FOXN2: variants seen among roughly 807,000 people sequenced by gnomAD.
FOXN2 encodes the protein forkhead box N2, also known as forkhead box protein N2.
FOXN2 carries 19 observed loss-of-function variants against 41.2 expected under a neutral mutation model. The ratio of observed to expected loss-of-function variants is 0.46; its 90% CI spans 0.32 to 0.68. FOXN2 has a LOEUF of 0.68. FOXN2 is among the 30% of genes least tolerant of loss of function. The pLI is 0.03. For synonymous variants in FOXN2, 195 were observed against 176.8 expected, an observed-to-expected ratio of 1.10 and a Z score of -0.82; for missense variants, 587 against 509.4, an observed-to-expected ratio of 1.15 and a Z score of -1.47.
intron 3 of FOXN2, among the ~76,000 whole-genome samples, chr2:48,351,027 T>C (rs1671413419): frequency 6.8e-6 from 1 of 146,298 alleles, no homozygotes; most frequent in Non-Finnish European, 1.5e-5. Flanking sequence ...GTGCAGTGGC[T>C]CAATCTCGGC....
upstream of FOXN2, among the ~76,000 whole-genome samples, chr2:48,314,031 T>C (rs1287689701): frequency 6.6e-6 from 1 of 152,256 alleles, no homozygotes; most frequent in African/African-American, 2.4e-5. Flanking sequence ...TTTTTTTCCC[T>C]ACTGCAAACA....
At chr2:48,340,745 G>A (rs1670705439) in intron 2 of FOXN2, 1 of 152,130 alleles carries the variant, frequency 6.6e-6, no homozygotes, top group South Asian at 2.1e-4. Context: ...AATTGCAGTG[G>A]GGTATTGGGA....
intron 1 of FOXN2, among the ~76,000 whole-genome samples, chr2:48,317,411 T>C (rs1355038633): frequency 1.3e-5 from 2 of 151,282 alleles, no homozygotes; most frequent in Non-Finnish European, 2.9e-5. Context: ...ATCATGCCAC[T>C]GCACTCCAGC....
intron 3 of FOXN2, among the ~76,000 whole-genome samples, chr2:48,347,596 T>A (rs1671195187): frequency 6.6e-6 from 1 of 151,908 alleles, no homozygotes; most frequent in Non-Finnish European, 1.5e-5. Flanking sequence ...ATTGCCTGAT[T>A]ATTTATGTAT....
At chr2:48,349,265 C>G (rs1164210959) in intron 3 of FOXN2, among the ~76,000 whole-genome samples, 1 of 152,080 alleles carries the variant, frequency 6.6e-6, no homozygotes, top group African/African-American at 2.4e-5. Context: ...ACAGGTGGAT[C>G]GCTTGAGCCC....
At chr2:48,357,891 A>G (rs929199912) in intron 3 of FOXN2, among the ~76,000 whole-genome samples, 8 of 151,356 alleles carry the variant, frequency 5.3e-5, no homozygotes, top group African/African-American at 1.9e-4. Flanking sequence ...AGAAAATGTC[A>G]AATACTTTTT....
chr2:48,345,103 T>A (rs1671013164), intron 2 of FOXN2, among the ~76,000 whole-genome samples: 1 of 152,168 alleles, frequency 6.6e-6, no homozygotes, highest in Non-Finnish European at 1.5e-5. Context: ...TTTTTCGCTC[T>A]CCTTGAAAGT....
rs769894989 is a variant in FOXN2 at position 48,350,499 on chromosome 2, T to A, written c.537+3748T>A. Among the ~76,000 whole-genome samples the A allele has an allele frequency of 2.7e-4, 41 of 152,320 alleles. 1 individual carries two copies. The highest frequency in any genetic ancestry group is 6.2e-4 in the South Asian group (3 of 4,828). On this transcript the variant is annotated intron_variant, in intron 3 of 6. Coordinates refer to ENST00000340553, the MANE Select transcript of FOXN2 (RefSeq NM_002158.4). Reference sequence around the variant, plus strand: ...CCTGGGACTAGAGTGGGCAAAGTATTTTGCCTCTTCCTCAGTGGCAGACAG... The same window carrying A: ...CCTGGGACTAGAGTGGGCAAAGTATATTGCCTCTTCCTCAGTGGCAGACAG...
chr2:48,348,739 A>G (rs1671268801), intron 3 of FOXN2, among the ~76,000 whole-genome samples: 2 of 152,248 alleles, frequency 1.3e-5, no homozygotes, highest in African/African-American at 4.8e-5. Flanking sequence ...AGACTCCTAC[A>G]GAGATGGACT....
At chr2:48,336,524 T>G (rs1017562890) in intron 2 of FOXN2, among the ~76,000 whole-genome samples, 3 of 150,842 alleles carry the variant, frequency 2.0e-5, no homozygotes, top group Non-Finnish European at 3.0e-5. Flanking sequence ...ATATCAAAAT[T>G]TATAAGGTGA....
At chr2:48,355,055 G>C (rs1004071339) in intron 3 of FOXN2, among the ~76,000 whole-genome samples, 5 of 152,048 alleles carry the variant, frequency 3.3e-5, no homozygotes, top group Non-Finnish European at 7.4e-5. Flanking sequence ...ATCATATTCT[G>C]ATTTCTCCCC....
At position 48,362,711 on chromosome 2, in the gene FOXN2, T is replaced by C; in HGVS notation, c.703+4T>C. The C allele has an allele frequency of 6.2e-7, 1 of 1,610,560 alleles. No homozygotes were observed. Among genetic ancestry groups the C allele is most frequent in the Non-Finnish European group, 8.5e-7 (1 of 1,176,790 alleles). On this transcript the variant is annotated splice_donor_region_variant and intron_variant, in intron 5 of 6. Coordinates refer to ENST00000340553, the MANE Select transcript of FOXN2 (RefSeq NM_002158.4). ...AACCAGGTGCGAAACCTCAAAGGTATGTGTGAATATCAGTACAGTCATGCA... is the reference window on the plus strand; with the variant it reads ...AACCAGGTGCGAAACCTCAAAGGTACGTGTGAATATCAGTACAGTCATGCA...
Position 48,345,663 on chromosome 2 carries a change from T to A in FOXN2, c.-14-538T>A, listed in dbSNP as rs543010827. On this transcript the variant is annotated intron_variant, in intron 2 of 6. Coordinates refer to ENST00000340553, the MANE Select transcript of FOXN2 (RefSeq NM_002158.4). ...AATAATGAAATAAAAATGTTATCTC[T>A]TTTTAGTATGACGTGCTGTAAAAAT... is the stretch of plus-strand genomic sequence containing the variant. 7.9e-5 allele frequency among the ~76,000 whole-genome samples: 12 copies of A among 152,306 alleles called. No individual in the cohort carries two copies. The East Asian group carries it at 2.3e-3, about 29-fold the overall frequency.
intron 5 of FOXN2, among the ~76,000 whole-genome samples, chr2:48,364,172 CATTT>C (rs1027477225): frequency 6.6e-6 from 1 of 152,096 alleles, no homozygotes; most frequent in Non-Finnish European, 1.5e-5. Flanking sequence ...GCAATAAAAA[CATTT>C]ATTAAAGAGA....
rs1456273494 is a variant in FOXN2, at chr2:48,314,722, G to C, written c.-249G>C. The stretch of plus-strand genomic sequence containing the variant: ...GCCTGCTGGTTGCCGCGTCTTCCCG[G>C]AGGCGACTGCTGGAAGCTGCAGGGA... On this transcript the variant is annotated 5_prime_UTR_variant, in exon 1 of 7. Transcript: ENST00000340553. 2.0e-5 allele frequency: 3 copies of C among 152,858 alleles called. No homozygotes were observed. The East Asian group carries it at 5.8e-4, about 29-fold the overall frequency. The allele number at this position is 152,858 out of a possible 1,614,324, so 9.5% of individuals were successfully genotyped here.
At chr2:48,335,050 T>G (rs532419978) in intron 2 of FOXN2, among the ~76,000 whole-genome samples, 242 of 152,202 alleles carry the variant, frequency 1.6e-3, no homozygotes, top group Non-Finnish European at 2.8e-3. Context: ...ATCAAAGAAT[T>G]CCCATTGGTA....
intron 3 of FOXN2, among the ~76,000 whole-genome samples, chr2:48,356,663 C>G (rs1229022976): frequency 6.6e-6 from 1 of 152,062 alleles, no homozygotes; most frequent in East Asian, 1.9e-4. Flanking sequence ...GCCATTTTGC[C>G]TTCTTTTTGG....
rs565391963 is a variant in FOXN2 at position 48,339,887 on chromosome 2, A to G, written c.-14-6314A>G. Among the ~76,000 whole-genome samples, 43 of 152,316 alleles carry G rather than the reference A, an allele frequency of 2.8e-4. 1 individual carries two copies. The South Asian group carries it at 8.5e-3, about 30-fold the overall frequency. ...AACATAAACAATTAAATGTTCCTTA[A>G]AAGTATAAGAAATTATTGAATATTC... On this transcript the variant is annotated intron_variant, in intron 2 of 6. Coordinates refer to ENST00000340553, the MANE Select transcript of FOXN2 (RefSeq NM_002158.4).
intron 3 of FOXN2, among the ~76,000 whole-genome samples, chr2:48,355,683 A>G (rs1462514254): frequency 6.6e-6 from 1 of 152,194 alleles, no homozygotes; most frequent in African/African-American, 2.4e-5. Flanking sequence ...CAACCTTGAC[A>G]GCACTTTTCT....
Sources: gnomAD v4.1 joint callset for allele counts (sites outside exome capture counted in the v4.1 genomes callset) on GRCh38, gnomAD v4.1.1 for gene constraint, MANE v1.5 for transcripts, NCBI Gene and HGNC (gene_info 2026-07-23, HGNC 2026-07-21) for gene names.